The following EYS variants were observed in gnomAD, a reference collection of about 807,000 sequenced individuals.
EYS encodes the protein EGF-like photoreceptor maintenance factor.
In EYS, 250 loss-of-function variants were observed where a neutral mutation model predicts 282.1. The observed-to-expected ratio is 0.89, with a 90% CI of 0.80 to 0.98. The LOEUF (loss-of-function observed/expected upper bound fraction) is 0.98. Among genes scored for constraint, EYS ranks in the 50% least tolerant of loss-of-function variants. The pLI, the probability that EYS is intolerant of heterozygous loss-of-function variation, is 0.00. For missense variants in EYS, 4,016 were observed against 3,709.0 expected (o/e 1.08, Z -2.15); for synonymous variants, 1,355 against 1,282.9 (o/e 1.06, Z -1.20).
intron 12 of EYS, among the ~76,000 whole-genome samples, chr6:65,112,202 A>T (rs1255287041): frequency 6.6e-6 from 1 of 152,134 alleles, no homozygotes; most frequent in Non-Finnish European, 1.5e-5. Context: ...AACATTCCCG[A>T]GTATGCAAAA....
intron 31 of EYS, among the ~76,000 whole-genome samples, chr6:64,179,969 T>A (rs1372957389): frequency 6.6e-6 from 1 of 152,212 alleles, no homozygotes; most frequent in Non-Finnish European, 1.5e-5. Context: ...TGTATACAGA[T>A]AACACATTAG....
chr6:65,648,095 C>T (rs541779583), intron 1 of EYS, among the ~76,000 whole-genome samples: 9 of 152,202 alleles, frequency 5.9e-5, no homozygotes, highest in South Asian at 2.1e-4. Context: ...TAAACTAATA[C>T]GACCACTATG....
intron 13 of EYS, among the ~76,000 whole-genome samples, chr6:65,006,095 TCC>T (rs1771642751): frequency 6.6e-6 from 1 of 152,040 alleles, no homozygotes; most frequent in African/African-American, 2.4e-5. Context: ...ATCCCTGTTA[TCC>T]CTCCTGATTT....
intron 28 of EYS, among the ~76,000 whole-genome samples, chr6:64,401,038 G>A (rs899307599): frequency 9.9e-5 from 15 of 152,002 alleles, no homozygotes; most frequent in African/African-American, 3.6e-4. Context: ...ACAGAGATGA[G>A]GGTGACCTAC....
intron 19 of EYS, among the ~76,000 whole-genome samples, chr6:64,849,013 C>T (rs1234535629): frequency 2.0e-5 from 3 of 151,924 alleles, no homozygotes; most frequent in Admixed American, 6.6e-5. Flanking sequence ...GGTAGTGAAG[C>T]TTTTAAAATA....
chr6:64,741,921 G>A (rs912769104), intron 22 of EYS, among the ~76,000 whole-genome samples: 1 of 152,066 alleles, frequency 6.6e-6, no homozygotes, highest in African/African-American at 2.4e-5. Context: ...CAATGAGGCT[G>A]CTTCTGTTTC....
At chr6:63,924,210 A>G (rs954157239) in intron 35 of EYS, among the ~76,000 whole-genome samples, 1 of 152,184 alleles carries the variant, frequency 6.6e-6, no homozygotes, top group Admixed American at 6.5e-5. Context: ...AGTTTCTAAA[A>G]TGTGAAATGA....
At chr6:64,541,173 A>G (rs1764686098) in intron 26 of EYS, among the ~76,000 whole-genome samples, 1 of 152,124 alleles carries the variant, frequency 6.6e-6, no homozygotes, top group African/African-American at 2.4e-5. Context: ...CAAGGCTATG[A>G]TCTCCACTCC....
intron 28 of EYS, among the ~76,000 whole-genome samples, chr6:64,407,324 G>A (rs897598799): frequency 6.6e-6 from 1 of 152,118 alleles, no homozygotes; most frequent in Non-Finnish European, 1.5e-5. Flanking sequence ...GTGCGGGACA[G>A]CATTAGGAGA....
intron 12 of EYS, among the ~76,000 whole-genome samples, chr6:65,229,834 T>A (rs1334166158): frequency 6.6e-6 from 1 of 152,034 alleles, no homozygotes; most frequent in African/African-American, 2.4e-5. Flanking sequence ...TTGCATTTAC[T>A]GCAAGACAAT....
At position 64,671,203 on chromosome 6, in the gene EYS, C is replaced by T. The variant is rs577763226; in HGVS notation, c.3444-44958G>A. On this transcript the variant is annotated intron_variant, in intron 22 of 42. Coordinates refer to ENST00000503581, the MANE Select transcript of EYS (RefSeq NM_001142800.2). The stretch of plus-strand genomic sequence containing the variant: ...CCATGGTCTGAATGTTTGTGTCTCC[C>T]CAAAATTCATACATTGAAACCCAGT... 2.7e-3 allele frequency among the ~76,000 whole-genome samples: 413 copies of T among 152,158 alleles called. 2 individuals carry two copies. Among genetic ancestry groups the T allele is most frequent in the African/African-American group, 9.4e-3 (390 of 41,524 alleles).
chr6:65,533,936 A>G (rs1365386330), intron 2 of EYS, among the ~76,000 whole-genome samples: 1 of 151,894 alleles, frequency 6.6e-6, no homozygotes, highest in Non-Finnish European at 1.5e-5. Context: ...ATCTCAACTC[A>G]TTGGCATGGG....
chr6:64,382,325 T>C (rs1772773881), intron 29 of EYS, among the ~76,000 whole-genome samples: 2 of 152,170 alleles, frequency 1.3e-5, no homozygotes, highest in South Asian at 4.1e-4. Context: ...TCCTGAATCA[T>C]GAATGTAAGT....
intron 19 of EYS, among the ~76,000 whole-genome samples, chr6:64,884,988 A>G (rs1335357306): frequency 6.6e-6 from 1 of 151,600 alleles, no homozygotes; most frequent in Non-Finnish European, 1.5e-5. Flanking sequence ...TTTTCCTTTG[A>G]CTCAAGTGTA....
chr6:64,318,889 A>T (rs547231605), intron 29 of EYS, among the ~76,000 whole-genome samples: 1 of 151,950 alleles, frequency 6.6e-6, no homozygotes. Flanking sequence ...ACCTCAAGCA[A>T]TCATTATTTC....
rs143483639 is a variant in EYS at position 64,706,080 on chromosome 6, G to T, written c.3444-79835C>A. ...ACCTTACCTCAAACTATACTAAAAG[G>T]CCATAGTCACCAAAACGGCATGATA... On this transcript the variant is annotated intron_variant, in intron 22 of 42. Coordinates refer to ENST00000503581, the MANE Select transcript of EYS (RefSeq NM_001142800.2). Among the ~76,000 whole-genome samples the T allele has an allele frequency of 6.2e-3, 927 of 149,938 alleles. 9 individuals carry two copies. The highest frequency in any genetic ancestry group is 0.021 in the African/African-American group (857 of 40,916).
intron 30 of EYS, among the ~76,000 whole-genome samples, chr6:64,277,825 G>C (rs1269654118): frequency 6.6e-6 from 1 of 152,100 alleles, no homozygotes; most frequent in African/African-American, 2.4e-5. Context: ...AAAATTCTGA[G>C]CAAATAGCAT....
At chr6:64,229,027 C>G (rs1302496770) in intron 31 of EYS, among the ~76,000 whole-genome samples, 1 of 152,096 alleles carries the variant, frequency 6.6e-6, no homozygotes, top group East Asian at 1.9e-4. Flanking sequence ...AATCCCAACA[C>G]TTTGGGAGGC....
At chr6:64,146,240 A>G (rs962449496) in intron 31 of EYS, among the ~76,000 whole-genome samples, 2 of 152,190 alleles carry the variant, frequency 1.3e-5, no homozygotes, top group African/African-American at 4.8e-5. Context: ...GAATATTACC[A>G]TCCATTGTAC....
Sources: gnomAD v4.1 joint callset for allele counts (sites outside exome capture counted in the v4.1 genomes callset) on GRCh38, gnomAD v4.1.1 for gene constraint, MANE v1.5 for transcripts, NCBI Gene and HGNC (gene_info 2026-07-23, HGNC 2026-07-21) for gene names.